NOTCH2NLC: variants seen among roughly 807,000 people sequenced by gnomAD.
The protein encoded by NOTCH2NLC is notch homolog 2 N-terminal-like protein C.
In NOTCH2NLC, 4 loss-of-function variants were observed where a neutral mutation model predicts 17.7. The ratio of observed to expected loss-of-function variants is 0.23; its 90% CI spans 0.11 to 0.52. NOTCH2NLC has a LOEUF of 0.52. NOTCH2NLC is among the 20% of genes least tolerant of loss of function. The pLI is 0.96. For synonymous variants in NOTCH2NLC, 18 were observed against 86.0 expected, an observed-to-expected ratio of 0.21 and a Z score of 4.38; for missense variants, 57 against 207.2, an observed-to-expected ratio of 0.28 and a Z score of 4.45.
At chr1:149,420,223 G>C (rs2084372441) in intron 1 of NOTCH2NLC, among the ~76,000 whole-genome samples, 1 of 147,610 alleles carries the variant, frequency 6.8e-6, no homozygotes. Flanking sequence ...ATAAAGATTT[G>C]ATATTTTTCT....
intron 1 of NOTCH2NLC, among the ~76,000 whole-genome samples, chr1:149,420,259 GTTT>G (rs1308703495): frequency 1.4e-5 from 2 of 144,582 alleles, no homozygotes; most frequent in Non-Finnish European, 3.1e-5. Flanking sequence ...CTGTTCCAAG[GTTT>G]TTGGCCTCAG....
chr1:149,461,022 C>T (rs2084647099), intron 3 of NOTCH2NLC, among the ~76,000 whole-genome samples: 2 of 148,500 alleles, frequency 1.3e-5, no homozygotes, highest in South Asian at 4.3e-4. Flanking sequence ...GCAACCTCCA[C>T]CTCTTGGGTT....
At chr1:149,441,049 G>C (rs1188657371) in intron 2 of NOTCH2NLC, among the ~76,000 whole-genome samples, 2 of 150,442 alleles carry the variant, frequency 1.3e-5, no homozygotes, top group African/African-American at 4.9e-5. Context: ...ACAGAGAGGC[G>C]GTAGGCTTGT....
At chr1:149,392,761 T>C (rs2084178025) in intron 1 of NOTCH2NLC, among the ~76,000 whole-genome samples, 1 of 151,132 alleles carries the variant, frequency 6.6e-6, no homozygotes, top group Admixed American at 6.6e-5. Context: ...ATAAATATGA[T>C]TGTAAAGTGA....
rs1468672866 is a variant in NOTCH2NLC at position 149,449,114 on chromosome 1, C to G, written c.210-6204C>G. On this transcript the variant is annotated intron_variant, in intron 2 of 4. Transcript: ENST00000650865. ...GCCAGGATGGTCTCGATCTCCTGAC[C>G]TGGTGATCTGCCTGCCTCGGCCTCC... 2.0e-5 allele frequency among the ~76,000 whole-genome samples: 3 copies of G among 150,060 alleles called. No individual in the cohort carries two copies. The East Asian group carries it at 5.9e-4, about 30-fold the overall frequency.
chr1:149,451,569 A>G (rs1224466503), intron 2 of NOTCH2NLC, among the ~76,000 whole-genome samples: 3 of 150,882 alleles, frequency 2.0e-5, no homozygotes, highest in African/African-American at 7.3e-5. Context: ...AGTTTCACGT[A>G]AAGCAAATAT....
At chr1:149,398,366 C>T (rs1171617502) in intron 1 of NOTCH2NLC, among the ~76,000 whole-genome samples, 5 of 149,572 alleles carry the variant, frequency 3.3e-5, no homozygotes, top group South Asian at 2.1e-4. Context: ...TTCTTAGTCC[C>T]GAATGCCAAG....
At chr1:149,419,844 T>C (rs1309940245) in intron 1 of NOTCH2NLC, among the ~76,000 whole-genome samples, 1 of 121,866 alleles carries the variant, frequency 8.2e-6, no homozygotes, top group South Asian at 2.9e-4. Flanking sequence ...TTCAGGAATA[T>C]ATATATATAT....
At position 149,468,925 on chromosome 1, in the gene NOTCH2NLC, C is replaced by T. The variant is rs1259172876; in HGVS notation, c.*4772C>T. 1.6e-5 allele frequency among the ~76,000 whole-genome samples: 2 copies of T among 124,164 alleles called. No homozygotes were observed. Among genetic ancestry groups the T allele is most frequent in the Non-Finnish European group, 3.4e-5 (2 of 58,236 alleles). 81.5% of individuals were successfully genotyped at this position (124,164 alleles called of 152,430 possible). On this transcript the variant is annotated 3_prime_UTR_variant, in exon 5 of 5. Transcript: ENST00000650865. ...TCAGGGATTCCCTCTTGCATTCTCA[C>T]ACTTGGGGGCATGTGTCATTTTCTT...
intron 1 of NOTCH2NLC, among the ~76,000 whole-genome samples, chr1:149,398,826 T>C (rs2084225211): frequency 6.6e-6 from 1 of 151,722 alleles, no homozygotes; most frequent in Non-Finnish European, 1.5e-5. Context: ...TGCAGGATAC[T>C]GGCAGCTGGC....
Position 149,400,139 on chromosome 1 carries a change from A to ATATTTTTT in NOTCH2NLC, c.135+9218_135+9219insATTTTTTT, listed in dbSNP as rs1570899101. Among the ~76,000 whole-genome samples, 5 of 131,956 alleles carry ATATTTTTT rather than the reference A, an allele frequency of 3.8e-5. No individual in the cohort carries two copies. The East Asian group carries it at 1.1e-3, about 30-fold the overall frequency. The allele number at this position is 131,956 out of a possible 152,430, so 86.6% of individuals were successfully genotyped here. The stretch of plus-strand genomic sequence containing the variant: ...ATATATATATATATATATAATATAT[A>ATATTTTTT]TTTTTTTTTTAGTTTATGAACAGAT... On this transcript the variant is annotated intron_variant, in intron 1 of 4. Coordinates refer to ENST00000650865, the MANE Select transcript of NOTCH2NLC (RefSeq NM_001364013.2).
chr1:149,417,392 G>A lies in NOTCH2NLC; in HGVS notation c.136-13550G>A, dbSNP rs1234592377. On this transcript the variant is annotated intron_variant, in intron 1 of 4. Transcript: ENST00000650865. The stretch of plus-strand genomic sequence containing the variant: ...CAAAGTGCTGGGATTACAGGCGTGA[G>A]CCACCGCGCCCGGCCGGATATCAGG... 1.5e-4 allele frequency among the ~76,000 whole-genome samples: 22 copies of A among 151,260 alleles called. 3 individuals carry two copies. Among genetic ancestry groups the A allele is most frequent in the Non-Finnish European group, 2.5e-4 (17 of 67,648 alleles).
chr1:149,438,918 G>T (rs1254441483), intron 2 of NOTCH2NLC, among the ~76,000 whole-genome samples: 3 of 147,760 alleles, frequency 2.0e-5, no homozygotes, highest in Admixed American at 6.8e-5. Flanking sequence ...GGTCTCACAT[G>T]TTGCTCAGGC....
At chr1:149,396,000 G>T (rs2084205305) in intron 1 of NOTCH2NLC, among the ~76,000 whole-genome samples, 1 of 150,972 alleles carries the variant, frequency 6.6e-6, no homozygotes, top group African/African-American at 2.4e-5. Flanking sequence ...AACTTGTCTG[G>T]CATGTGCCCG....
In NOTCH2NLC at chr1:149,468,751, T is replaced by A. The variant is rs2084700481; in HGVS notation, c.*4598T>A. Among the ~76,000 whole-genome samples, 1 of 143,422 alleles carries A rather than the reference T, an allele frequency of 7.0e-6. No homozygotes were observed. The highest frequency in any genetic ancestry group is 2.5e-5 in the African/African-American group (1 of 39,222). The allele number at this position is 143,422 out of a possible 152,430, so 94.1% of individuals were successfully genotyped here. ...AAAGTTAGAAAAAAGTGGAGGTCAGTAGGGAGATATGAAGGGACGCAAGTG... is the reference window on the plus strand; with the variant it reads ...AAAGTTAGAAAAAAGTGGAGGTCAGAAGGGAGATATGAAGGGACGCAAGTG... On this transcript the variant is annotated 3_prime_UTR_variant, in exon 5 of 5. Coordinates refer to ENST00000650865, the MANE Select transcript of NOTCH2NLC (RefSeq NM_001364013.2).
At chr1:149,445,659 A>G (rs1339027897) in intron 2 of NOTCH2NLC, among the ~76,000 whole-genome samples, 1 of 150,958 alleles carries the variant, frequency 6.6e-6, no homozygotes, top group Admixed American at 6.6e-5. Context: ...TGTTTAAAGA[A>G]TTTTCTGCTG....
intron 3 of NOTCH2NLC, among the ~76,000 whole-genome samples, chr1:149,461,030 G>A (rs2084647138): frequency 6.7e-6 from 1 of 148,420 alleles, no homozygotes; most frequent in African/African-American, 2.5e-5. Context: ...CACCTCTTGG[G>A]TTCGAGTGAT....
chr1:149,462,833 ATTTTTT>A (rs878889477), intron 3 of NOTCH2NLC, among the ~76,000 whole-genome samples: 17 of 117,068 alleles, frequency 1.5e-4, no homozygotes, highest in African/African-American at 2.6e-4. Flanking sequence ...CGGGAAGTTG[ATTTTTT>A]TTTTTTTTTT....
chr1:149,417,091 GTTTTCC>G (rs2084339727), intron 1 of NOTCH2NLC, among the ~76,000 whole-genome samples: 1 of 115,508 alleles, frequency 8.7e-6, no homozygotes, highest in Admixed American at 9.1e-5. Flanking sequence ...TGGATATCAG[GTTTTCC>G]TTTTTTTTTT....
Sources: allele counts gnomAD v4.1 joint callset (sites outside exome capture counted in the v4.1 genomes callset), GRCh38; gene constraint gnomAD v4.1.1; transcripts MANE v1.5; gene names NCBI Gene and HGNC (gene_info 2026-07-23, HGNC 2026-07-21).